The following UNC80 variants were observed in gnomAD, a reference collection of about 807,000 sequenced individuals.
The protein encoded by UNC80 is protein unc-80 homolog.
A neutral mutation model predicts 384.6 loss-of-function variants in UNC80; 164 were observed. The ratio of observed to expected loss-of-function variants is 0.43; its 90% CI spans 0.38 to 0.49. The LOEUF (loss-of-function observed/expected upper bound fraction) is 0.49. UNC80 is among the 20% of genes least tolerant of loss of function. The pLI is 0.00. For missense variants in UNC80, 3,330 were observed against 4,143.0 expected, an observed-to-expected ratio of 0.80 and a Z score of 5.39; for synonymous variants, 1,486 against 1,527.8, an observed-to-expected ratio of 0.97 and a Z score of 0.64.
At chr2:209,989,055 G>A (rs966606176) in intron 61 of UNC80, among the ~76,000 whole-genome samples, 1 of 151,748 alleles carries the variant, frequency 6.6e-6, no homozygotes, top group Non-Finnish European at 1.5e-5. Flanking sequence ...GCTCATGCCT[G>A]TAATTCCACC....
Position 209,933,023 on chromosome 2 carries a change from A to G in UNC80, c.5995-799A>G, listed in dbSNP as rs562372881. Among the ~76,000 whole-genome samples the G allele has an allele frequency of 3.9e-5, 6 of 152,294 alleles. No individual in the cohort carries two copies. In the South Asian group the frequency reaches 1.0e-3, roughly 26 times the overall value. On this transcript the variant is annotated intron_variant, in intron 38 of 64. Transcript: ENST00000673920. ...CCAGGACTACAAAATTTTTGAAGAA[A>G]CAATGGTTAAAACCCACAAGAAAAA...
At chr2:209,912,237 G>C (rs1364050244) in intron 29 of UNC80, among the ~76,000 whole-genome samples, 1 of 152,058 alleles carries the variant, frequency 6.6e-6, no homozygotes, top group African/African-American at 2.4e-5. Context: ...AATGGAAATG[G>C]GGAGATCCTT....
At chr2:209,825,236 A>G (rs1171744303) in intron 13 of UNC80, among the ~76,000 whole-genome samples, 1 of 152,080 alleles carries the variant, frequency 6.6e-6, no homozygotes, top group Non-Finnish European at 1.5e-5. Flanking sequence ...CCTTTTTTGG[A>G]AGCCATGTTT....
At chr2:209,887,977 A>G (rs890897518) in intron 25 of UNC80, 118 bp from the exon 26 acceptor site, 3 of 827,470 alleles carry the variant, frequency 3.6e-6, no homozygotes, top group Admixed American at 5.8e-5. Flanking sequence ...CGTCAGATAA[A>G]GGAATCTGGC....
intron 43 of UNC80, among the ~76,000 whole-genome samples, 200 bp from the exon 44 acceptor site, chr2:209,941,021 G>A (rs1170888666): frequency 2.0e-5 from 3 of 152,158 alleles, no homozygotes; most frequent in East Asian, 1.9e-4. Flanking sequence ...AGTTAAAGAG[G>A]TGATGATGAA....
In UNC80 at chr2:209,872,936, G is replaced by T. The variant is rs1394215007; in HGVS notation, c.3806G>T (p.Trp1269Leu). The change falls in exon 23 of 65, where the codon TGG becomes TTG. Residue 1269 changes from tryptophan to leucine, a missense_variant. Physicochemically the swap from Trp to Leu is moderately conservative, Grantham distance 61. Coordinates refer to ENST00000673920, the MANE Select transcript of UNC80 (RefSeq NM_001371986.1). The surrounding 1 kb of genome is among the most constrained non-coding windows in gnomAD (Gnocchi z 4.1). Reference sequence around the variant, plus strand: ...AACAAGCGAAACCAGAAGCTGCAGTGGAATGCAGCCAAGCTCTTCTACCAA... The same window carrying T: ...AACAAGCGAAACCAGAAGCTGCAGTTGAATGCAGCCAAGCTCTTCTACCAA... ...VGNKRNQKLQ[W>L]NAAKLFYQWG... 1.9e-6 allele frequency: 3 copies of T among 1,551,588 alleles called. No homozygotes were observed. The highest frequency in any genetic ancestry group is 2.6e-6 in the Non-Finnish European group (3 of 1,146,962).
At chr2:209,901,919 A>G (rs2087455668) in intron 28 of UNC80, among the ~76,000 whole-genome samples, 1 of 146,000 alleles carries the variant, frequency 6.8e-6, no homozygotes, top group South Asian at 2.3e-4. Flanking sequence ...ACACAGCAAG[A>G]CTCTGTCTCA....
At chr2:209,883,055 C>T (rs998728151) in intron 25 of UNC80, among the ~76,000 whole-genome samples, 1 of 151,976 alleles carries the variant, frequency 6.6e-6, no homozygotes, top group South Asian at 2.1e-4. Context: ...TTAATGTGTA[C>T]GTTTGTGTAT....
chr2:209,915,083 T>A (rs2089368878), intron 31 of UNC80, among the ~76,000 whole-genome samples: 1 of 151,584 alleles, frequency 6.6e-6, no homozygotes, highest in Admixed American at 6.6e-5. Context: ...GAAACTTCCA[T>A]GGAAAATATA....
chr2:209,821,130 GCTGT>G (rs556755862), intron 13 of UNC80, among the ~76,000 whole-genome samples: 10,322 of 152,226 alleles, frequency 0.068, 820 homozygotes, highest in East Asian at 0.23. Context: ...AAGTCCAAGT[GCTGT>G]CAGGTTTAGT....
intron 22 of UNC80, among the ~76,000 whole-genome samples, chr2:209,859,129 A>G (rs1022195388): frequency 6.6e-6 from 1 of 152,156 alleles, no homozygotes; most frequent in Non-Finnish European, 1.5e-5. Context: ...ACATAGGTAT[A>G]TGTGTGCCAT....
chr2:209,794,814 C>T (rs2078053823), intron 7 of UNC80: 1 of 454,956 alleles, frequency 2.2e-6, no homozygotes, highest in Non-Finnish European at 4.4e-6. Flanking sequence ...TCACTTCCCA[C>T]CATGATTCTG....
chr2:209,977,897 A>G (rs2093053597), intron 58 of UNC80, among the ~76,000 whole-genome samples: 2 of 152,084 alleles, frequency 1.3e-5, no homozygotes, highest in South Asian at 4.1e-4. Flanking sequence ...TGTGGGAGGG[A>G]AGGGTTATTT....
chr2:209,907,640 C>T (rs2088410407), intron 29 of UNC80, among the ~76,000 whole-genome samples: 1 of 152,136 alleles, frequency 6.6e-6, no homozygotes, highest in Non-Finnish European at 1.5e-5. Flanking sequence ...ACAGGCGGCT[C>T]GAGACCAGAC....
At chr2:209,869,354 G>C (rs2084102365) in intron 22 of UNC80, 1 of 152,038 alleles carries the variant, frequency 6.6e-6, no homozygotes. Flanking sequence ...CTTTTAAAAG[G>C]AACTGAATGA....
At chr2:209,772,907 T>C (rs1363158055) in intron 1 of UNC80, among the ~76,000 whole-genome samples, 187 bp from the exon 2 acceptor site, 2 of 152,180 alleles carry the variant, frequency 1.3e-5, no homozygotes, top group Admixed American at 1.3e-4. Context: ...CTCTTTCATA[T>C]ATGCAATTAC....
At chr2:209,938,212 C>G (rs1263703461) in intron 42 of UNC80, among the ~76,000 whole-genome samples, 1 of 152,162 alleles carries the variant, frequency 6.6e-6, no homozygotes, top group Non-Finnish European at 1.5e-5. Flanking sequence ...CATTTAATCT[C>G]AAATCAAACT....
At position 209,834,955 on chromosome 2, in the gene UNC80, G is replaced by C; in HGVS notation, c.2986G>C (p.Ala996Pro). The C allele has an allele frequency of 2.6e-6, 4 of 1,551,140 alleles. No homozygotes were observed. Among genetic ancestry groups the C allele is most frequent in the Non-Finnish European group, 3.5e-6 (4 of 1,146,534 alleles). Residue 996 changes from alanine to proline, a missense_variant, in exon 18 of 65, where the codon GCA becomes CCA. Transcript: ENST00000673920. Reference sequence around the variant, plus strand: ...TGTGGATAAAGGCCAGGTATCCTCTGCACCTGAGGAATGTCGCAGCTTCAT... The same window carrying C: ...TGTGGATAAAGGCCAGGTATCCTCTCCACCTGAGGAATGTCGCAGCTTCAT... ...SIVDKGQVSS[A>P]PEECRSFMSG...
intron 47 of UNC80, among the ~76,000 whole-genome samples, chr2:209,949,217 A>G (rs369593413): frequency 6.6e-6 from 1 of 152,186 alleles, no homozygotes; most frequent in Non-Finnish European, 1.5e-5. Flanking sequence ...TAGGAGTAGA[A>G]GAGATATTCT....
Sources: gnomAD v4.1 joint callset for allele counts (sites outside exome capture counted in the v4.1 genomes callset) on GRCh38, gnomAD v4.1.1 for gene constraint, Gnocchi (gnomAD v3.1) non-coding constraint, MANE v1.5 for transcripts, NCBI Gene and HGNC (gene_info 2026-07-23, HGNC 2026-07-21) for gene names.